The following DPPA3 variants were observed in gnomAD, a reference collection of about 807,000 sequenced individuals.
The protein encoded by DPPA3 is developmental pluripotency-associated protein 3.
DPPA3 carries 9 observed loss-of-function variants against 15.6 expected under a neutral mutation model. The ratio of observed to expected loss-of-function variants is 0.58; its 90% CI spans 0.35 to 1.01. The LOEUF (loss-of-function observed/expected upper bound fraction) is 1.01, where lower values mean the gene tolerates loss of function less well. Ranked by LOEUF, DPPA3 falls within the 50% of genes least tolerant of loss-of-function variation. The pLI, the probability that DPPA3 is intolerant of heterozygous loss-of-function variation, is 0.02. For missense variants in DPPA3, 148 were observed against 194.6 expected, an observed-to-expected ratio of 0.76 and a Z score of 1.42; for synonymous variants, 61 against 70.9, an observed-to-expected ratio of 0.86 and a Z score of 0.70.
chr12:7,712,521 C>T (rs1864356213), intron 1 of DPPA3, among the ~76,000 whole-genome samples: 1 of 152,062 alleles, frequency 6.6e-6, no homozygotes, highest in Non-Finnish European at 1.5e-5. Flanking sequence ...GGTGTCGGCT[C>T]ACTGCAACCT....
At chr12:7,716,038 G>C (rs1277723766) in intron 2 of DPPA3, among the ~76,000 whole-genome samples, 160 bp from the exon 3 acceptor site, 1 of 152,162 alleles carries the variant, frequency 6.6e-6, no homozygotes, top group Non-Finnish European at 1.5e-5. Context: ...GGGGGGTTAA[G>C]GCTGCAGTGA....
At chr12:7,712,163 C>T (rs1463230137) in intron 1 of DPPA3, among the ~76,000 whole-genome samples, 2 of 149,948 alleles carry the variant, frequency 1.3e-5, no homozygotes, top group Non-Finnish European at 3.0e-5. Context: ...GATCCGCCCG[C>T]CTCGGCCTCC....
At chr12:7,715,556 G>C in intron 2 of DPPA3, 129 bp downstream of exon 2, 1 of 1,410,848 alleles carries the variant, frequency 7.1e-7, no homozygotes, top group Non-Finnish European at 9.7e-7. Context: ...AGCACTTCGG[G>C]AGGCTGAGGC....
chr12:7,712,046 G>A (rs1260243692), intron 1 of DPPA3, among the ~76,000 whole-genome samples: 1 of 137,270 alleles, frequency 7.3e-6, no homozygotes, highest in East Asian at 2.2e-4. Context: ...CTCCCAAGTA[G>A]CTGGGACTAC....
At chr12:7,713,561 G>A (rs1026481496) in intron 1 of DPPA3, among the ~76,000 whole-genome samples, 1 of 152,124 alleles carries the variant, frequency 6.6e-6, no homozygotes, top group Non-Finnish European at 1.5e-5. Context: ...TGAGATATGC[G>A]TATGTATGGG....
chr12:7,716,221 G>T lies in DPPA3; in HGVS notation c.351G>T (p.Lys117Asn). 6.2e-7 allele frequency: 1 copy of T among 1,601,240 alleles called. No individual in the cohort carries two copies. The highest frequency in any genetic ancestry group is 8.5e-7 in the Non-Finnish European group (1 of 1,174,878). The change falls in exon 3 of 4, where the codon AAG becomes AAT. Residue 117 changes from lysine to asparagine, a missense_variant. Lys to Asn is a moderately conservative substitution (Grantham distance 94). Transcript: ENST00000345088. ...AGCATGAAAGAAGACCAACAAACAA[G>T]GAGCCTAAGGGAGTTAAGGTAAGTA... ...VRTHERRPTN[K>N]EPKGVKKESR... is the part of the protein sequence containing the mutation.
intron 1 of DPPA3, among the ~76,000 whole-genome samples, chr12:7,714,158 A>C (rs1864373706): frequency 6.6e-6 from 1 of 152,034 alleles, no homozygotes. Context: ...TGAACCCGGG[A>C]GGCGGAGCTT....
At chr12:7,716,921 CTG>C (rs1565455231) in intron 3 of DPPA3, 44 bp from the exon 4 acceptor site, 2 of 1,500,792 alleles carry the variant, frequency 1.3e-6, no homozygotes, top group African/African-American at 2.8e-5. Flanking sequence ...TTACATTTCT[CTG>C]GGGTACAATA....
chr12:7,713,884 A>T (rs1201181075), intron 1 of DPPA3, among the ~76,000 whole-genome samples: 1 of 152,216 alleles, frequency 6.6e-6, no homozygotes, highest in African/African-American at 2.4e-5. Flanking sequence ...CGTGTGGGAC[A>T]CGCTTGTAGC....
At chr12:7,712,899 C>T (rs1188696583) in intron 1 of DPPA3, among the ~76,000 whole-genome samples, 2 of 152,102 alleles carry the variant, frequency 1.3e-5, no homozygotes, top group Non-Finnish European at 2.9e-5. Flanking sequence ...TTGAGACAGG[C>T]TTTCCAGCTA....
At chr12:7,714,179 G>C (rs1010470533) in intron 1 of DPPA3, among the ~76,000 whole-genome samples, 1 of 147,208 alleles carries the variant, frequency 6.8e-6, no homozygotes, top group Non-Finnish European at 1.5e-5. Flanking sequence ...GCAGTGAGCC[G>C]AGATGGCGCC....
intron 3 of DPPA3, 24 bp downstream of exon 3, chr12:7,716,263 A>C (rs765843942): frequency 1.0e-5 from 15 of 1,436,322 alleles, no homozygotes; most frequent in Admixed American, 2.7e-5. Context: ...TTTTCTTTTT[A>C]TTTTCCTTTT....
In DPPA3 at chr12:7,717,185, T is replaced by C. The variant is rs999745809; in HGVS notation, c.*108T>C. 7.9e-6 allele frequency: 6 copies of C among 761,436 alleles called. No homozygotes were observed. In the African/African-American group the frequency reaches 1.1e-4, roughly 13 times the overall value. 47.2% of individuals were successfully genotyped at this position (761,436 alleles called of 1,614,324 possible). On this transcript the variant is annotated 3_prime_UTR_variant, in exon 4 of 4. Coordinates refer to ENST00000345088, the MANE Select transcript of DPPA3 (RefSeq NM_199286.4). ...CACCAATAATTTTGATAATGAGTTCTAGGATGTATTTTTCTTGTATCTTTT... is the reference window on the plus strand; with the variant it reads ...CACCAATAATTTTGATAATGAGTTCCAGGATGTATTTTTCTTGTATCTTTT...
intron 2 of DPPA3, 135 bp from the exon 3 acceptor site, chr12:7,716,063 A>G: frequency 5.3e-6 from 4 of 747,894 alleles, no homozygotes; most frequent in Non-Finnish European, 8.7e-6. Flanking sequence ...TGATTGCTCC[A>G]CTGCAATCCA....
rs1374775709 is a variant in DPPA3, at chr12:7,717,032, G to A, written c.435G>A (p.Glu145=). The change falls in exon 4 of 4, where the codon GAG becomes GAA. Residue 145 remains glutamate, a synonymous_variant. Coordinates refer to ENST00000345088, the MANE Select transcript of DPPA3 (RefSeq NM_199286.4). ...TGTCTAATGGATGGGATCCTTCTGA[G>A]AATGCTAGAATAGGGAATCAAGACA... ...FCVSNGWDPS[E]NARIGNQDTK... is the part of the protein sequence containing the mutation. 6.2e-7 allele frequency: 1 copy of A among 1,613,752 alleles called. No homozygotes were observed. Among genetic ancestry groups the A allele is most frequent in the Non-Finnish European group, 8.5e-7 (1 of 1,179,936 alleles).
At chr12:7,714,217 G>A (rs374806928) in intron 1 of DPPA3, among the ~76,000 whole-genome samples, 1 of 151,926 alleles carries the variant, frequency 6.6e-6, no homozygotes, top group Admixed American at 6.6e-5. Flanking sequence ...GAGGCAGAGC[G>A]AGACTCCGTC....
At chr12:7,713,734 G>A (rs1207608746) in intron 1 of DPPA3, among the ~76,000 whole-genome samples, 1 of 152,202 alleles carries the variant, frequency 6.6e-6, no homozygotes, top group Non-Finnish European at 1.5e-5. Context: ...TTTTGCTTAA[G>A]GATGAGGATT....
chr12:7,714,860 C>T (rs891707490), intron 1 of DPPA3, among the ~76,000 whole-genome samples: 7 of 152,000 alleles, frequency 4.6e-5, no homozygotes, highest in African/African-American at 1.7e-4. Context: ...CTACAGGCGC[C>T]CGCCACAACG....
At chr12:7,715,122 T>C in intron 1 of DPPA3, 61 bp from the exon 2 acceptor site, 2 of 1,609,410 alleles carry the variant, frequency 1.2e-6, no homozygotes, top group South Asian at 2.2e-5. Context: ...AGGGCAGACC[T>C]AGTTGATGTG....
Sources: allele counts gnomAD v4.1 joint callset (sites outside exome capture counted in the v4.1 genomes callset), GRCh38; gene constraint gnomAD v4.1.1; transcripts MANE v1.5; gene names NCBI Gene and HGNC (gene_info 2026-07-23, HGNC 2026-07-21).